Variants in HTATSF1 observed in about 807,000 individuals in gnomAD.
The protein encoded by HTATSF1 is HIV-1 Tat specific factor 1.
In HTATSF1, 6 loss-of-function variants were observed where a neutral mutation model predicts 46.1. The ratio of observed to expected loss-of-function variants is 0.13; its 90% confidence interval spans 0.07 to 0.26. The LOEUF (loss-of-function observed/expected upper bound fraction) is 0.26. HTATSF1 is among the 10% of genes least tolerant of loss of function. The pLI is 1.00. For synonymous variants in HTATSF1, 226 were observed against 211.5 expected (o/e 1.07, Z -0.60); for missense variants, 452 against 559.9 (o/e 0.81, Z 1.94).
chrX:136,498,917 ATATAAC>A (rs1280865424), intron 1 of HTATSF1, among the ~76,000 whole-genome samples: 1 of 113,065 alleles, frequency 8.8e-6, no homozygotes, highest in Non-Finnish European at 1.9e-5. Flanking sequence ...TGGTATGATG[ATATAAC>A]TATATTTCTT....
chrX:136,506,161 A>C (rs181448470), intron 6 of HTATSF1, among the ~76,000 whole-genome samples: 19 of 112,086 alleles, frequency 1.7e-4, no homozygotes, highest in African/African-American at 5.2e-4. Context: ...CACCCCAGGC[A>C]GACTTAGCTC....
Position 136,511,596 on chromosome X carries a change from G to A in HTATSF1, c.1851G>A (p.Glu617=). The change falls in exon 9 of 9, where the codon GAG becomes GAA. Residue 617 remains glutamate, a synonymous_variant. Transcript: ENST00000218364. The part of the protein sequence containing the change: ...SEKVLDEEGS[E]REFDEDSDEK... ...AAGTGTTAGATGAGGAAGGCTCTGAGAGAGAGTTTGACGAAGATTCAGATG... is the reference window on the plus strand; with the variant it reads ...AAGTGTTAGATGAGGAAGGCTCTGAAAGAGAGTTTGACGAAGATTCAGATG... 1 of 1,209,403 alleles carries A rather than the reference G, an allele frequency of 8.3e-7. No homozygotes were observed. Among genetic ancestry groups the A allele is most frequent in the Admixed American group, 2.2e-5 (1 of 45,701 alleles).
chrX:136,502,141 G>A (rs2075721071), intron 4 of HTATSF1, among the ~76,000 whole-genome samples: 1 of 111,062 alleles, frequency 9.0e-6, no homozygotes, highest in Admixed American at 9.6e-5. Context: ...CTAAGACCTG[G>A]AATCCATACA....
chrX:136,497,337 T>G (rs1030784664), upstream of HTATSF1: 2 of 115,193 alleles, frequency 1.7e-5, no homozygotes, highest in Non-Finnish European at 3.6e-5. Context: ...TCGCCTCAGA[T>G]CCGGTCGGCG....
At position 136,511,612 on chromosome X, in the gene HTATSF1, G is replaced by C; in HGVS notation, c.1867G>C (p.Asp623His). 7 of 1,211,009 alleles carry C rather than the reference G, an allele frequency of 5.8e-6. No homozygotes were observed. The highest frequency in any genetic ancestry group is 7.8e-6 in the Non-Finnish European group (7 of 895,052). Residue 623 changes from aspartate to histidine, a missense_variant, in exon 9 of 9, where the codon GAT becomes CAT. By Grantham distance (81) the Asp-to-His change is moderately conservative. Coordinates refer to ENST00000218364, the MANE Select transcript of HTATSF1 (RefSeq NM_014500.5). Reference protein sequence around the residue: ...EEGSEREFDEDSDEKEEEEDT... With the variant: ...EEGSEREFDEHSDEKEEEEDT... ...AGGCTCTGAGAGAGAGTTTGACGAAGATTCAGATGAAAAGGAAGAAGAGGA... is the reference window on the plus strand; with the variant it reads ...AGGCTCTGAGAGAGAGTTTGACGAACATTCAGATGAAAAGGAAGAAGAGGA...
Position 136,511,496 on chromosome X carries a change from A to T in HTATSF1, c.1751A>T (p.His584Leu), listed in dbSNP as rs1383912737. The T allele has an allele frequency of 8.3e-7, 1 of 1,207,146 alleles. No homozygotes were observed. Among genetic ancestry groups the T allele is most frequent in the Non-Finnish European group, 1.1e-6 (1 of 894,417 alleles). The change falls in exon 9 of 9, where the codon CAT becomes CTT. Residue 584 changes from histidine (H) to leucine (L), a missense_variant. By Grantham distance (99) the His-to-Leu change is moderately conservative. Around this residue, in one of 3 missense-constraint regions of HTATSF1, gnomAD observed 246 missense variants for 245.3 expected, o/e 1.00. Coordinates refer to ENST00000218364, the MANE Select transcript of HTATSF1 (RefSeq NM_014500.5). ...GAGGAAGGTTCTGAAAAGGAGCTTC[A>T]TGAAAATGTTCTTGACAAAGAGTTA... ...LDEEGSEKEL[H>L]ENVLDKELEE...
Position 136,505,113 on chromosome X carries a change from T to A in HTATSF1, c.834+650T>A, listed in dbSNP as rs1294929876. ...TCTGTCTACTGGTGTAGACTGACTT[T>A]ATTGTTGTGGAGAAACAACTCTTTA... On this transcript the variant is annotated intron_variant, in intron 6 of 8. Transcript: ENST00000218364. Among the ~76,000 whole-genome samples, 5 of 112,230 alleles carry A rather than the reference T, an allele frequency of 4.5e-5. No homozygotes were observed. In the East Asian group the frequency reaches 1.4e-3, roughly 31 times the overall value.
chrX:136,497,782 A>G lies in HTATSF1; in HGVS notation c.98A>G (p.Asp33Gly). ...GDGKDGDTQT[D>G]AGGEPDSLGQ... Reference sequence around the variant, plus strand: ...GGCAAGGATGGTGACACCCAGACCGATGCCGGCGGAGAACCCGATTCTCTC... The same window carrying G: ...GGCAAGGATGGTGACACCCAGACCGGTGCCGGCGGAGAACCCGATTCTCTC... The change falls in exon 1 of 9, where the codon GAT (aspartate) becomes GGT (glycine). Residue 33 changes from aspartate (D) to glycine (G), a missense_variant. Asp to Gly is a moderately conservative substitution (Grantham distance 94). Coordinates refer to ENST00000218364, the MANE Select transcript of HTATSF1 (RefSeq NM_014500.5). 1.7e-6 allele frequency: 2 copies of G among 1,204,419 alleles called. No individual in the cohort carries two copies.
chrX:136,511,165 A>C lies in HTATSF1; in HGVS notation c.1420A>C (p.Arg474=). The part of the protein sequence containing the change: ...EKESEEGCPK[R]GFEGSCSQKE... Reference sequence around the variant, plus strand: ...AGAATCTGAAGAGGGCTGCCCCAAAAGAGGGTTTGAAGGCAGCTGCTCCCA... The same window carrying C: ...AGAATCTGAAGAGGGCTGCCCCAAACGAGGGTTTGAAGGCAGCTGCTCCCA... Residue 474 remains arginine, a synonymous_variant, in exon 9 of 9, where the codon AGA becomes CGA. Transcript: ENST00000218364. 8.3e-7 allele frequency: 1 copy of C among 1,207,477 alleles called. No individual in the cohort carries two copies. Among genetic ancestry groups the C allele is most frequent in the Middle Eastern group, 2.3e-4 (1 of 4,316 alleles).
At chrX:136,506,161 A>G (rs181448470) in intron 6 of HTATSF1, among the ~76,000 whole-genome samples, 1 of 112,032 alleles carries the variant, frequency 8.9e-6, no homozygotes, top group Non-Finnish European at 1.9e-5. Context: ...CACCCCAGGC[A>G]GACTTAGCTC....
chrX:136,512,138 G>GC lies in HTATSF1; in HGVS notation c.*125_*126insC. On this transcript the variant is annotated 3_prime_UTR_variant, in exon 9 of 9. Transcript: ENST00000218364. ...GATGCCATCAGATTAAAGCATTGAA[G>GC]TGTTTCATTGTTACCTGTACCTAAT... 1 of 694,001 alleles carries GC rather than the reference G, an allele frequency of 1.4e-6. No homozygotes were observed. The highest frequency in any genetic ancestry group is 3.4e-5 in the South Asian group (1 of 29,466). The allele number at this position is 694,001 out of a possible 1,213,427, so 57.2% of individuals were successfully genotyped here.
chrX:136,504,497 G>A (rs1475983202), intron 6 of HTATSF1, 34 bp downstream of exon 6: 3 of 1,077,577 alleles, frequency 2.8e-6, no homozygotes, highest in South Asian at 2.0e-5. Flanking sequence ...TAGAAATGCT[G>A]ATAGGCTTTT....
intron 6 of HTATSF1, 72 bp downstream of exon 6, chrX:136,504,535 C>G: frequency 2.6e-6 from 2 of 765,061 alleles, no homozygotes; most frequent in Non-Finnish European, 3.9e-6. Context: ...TGGAGCTTGC[C>G]TCGCCTCATC....
Position 136,498,925 on chromosome X carries a change from A to G in HTATSF1, c.187-673A>G, listed in dbSNP as rs773330266. Among the ~76,000 whole-genome samples the G allele has an allele frequency of 1.1e-4, 13 of 113,161 alleles. No homozygotes were observed. In the South Asian group the frequency reaches 4.6e-3, roughly 40 times the overall value. On this transcript the variant is annotated intron_variant, in intron 1 of 8. Coordinates refer to ENST00000218364, the MANE Select transcript of HTATSF1 (RefSeq NM_014500.5). ...TATTGATTGGTATGATGATATAACT[A>G]TATTTCTTTCGTTTTGCAATAACGC...
At chrX:136,497,495 C>T, upstream of HTATSF1, 1 of 252,579 alleles carries the variant, frequency 4.0e-6, no homozygotes, top group Admixed American at 6.9e-5. Context: ...GGTGGGCGGG[C>T]AGAGAGGGGG....
intron 8 of HTATSF1, 63 bp from the exon 9 acceptor site, chrX:136,510,745 A>T: frequency 9.2e-7 from 1 of 1,083,369 alleles, no homozygotes; most frequent in Non-Finnish European, 1.2e-6. Context: ...AATATTAGAT[A>T]TGTTCAGAGA....
At chrX:136,505,653 A>T (rs1205801410) in intron 6 of HTATSF1, among the ~76,000 whole-genome samples, 7 of 111,837 alleles carry the variant, frequency 6.3e-5, no homozygotes, top group Non-Finnish European at 5.6e-5. Context: ...TTAGCTGGGC[A>T]TGGTGGCGCA....
chrX:136,506,612 A>G (rs1284208788), intron 6 of HTATSF1, among the ~76,000 whole-genome samples: 1 of 112,809 alleles, frequency 8.9e-6, no homozygotes, highest in Non-Finnish European at 1.9e-5. Flanking sequence ...TCTCTTCAGC[A>G]TCTTTGCAAA....
At chrX:136,508,152 CAAT>C (rs1444396715) in intron 6 of HTATSF1, among the ~76,000 whole-genome samples, 2 of 112,346 alleles carry the variant, frequency 1.8e-5, no homozygotes, top group African/African-American at 6.5e-5. Context: ...AGGAAAGCCA[CAAT>C]TCTCTATAGT....
Sources: allele counts gnomAD v4.1 joint callset (sites outside exome capture counted in the v4.1 genomes callset), GRCh38; gene constraint gnomAD v4.1.1; regional missense constraint gnomAD v4.1.1; transcripts MANE v1.5; gene names NCBI Gene and HGNC (gene_info 2026-07-23, HGNC 2026-07-21).